Variants in RAD18 observed in about 807,000 individuals in gnomAD.
RAD18 encodes the protein RAD18 E3 ubiquitin protein ligase.
RAD18 carries 47 observed loss-of-function variants against 60.4 expected under a neutral mutation model. That is an observed-to-expected ratio of 0.78 (90% CI 0.62 to 0.99). The LOEUF (loss-of-function observed/expected upper bound fraction) is 0.99, where lower values mean the gene tolerates loss of function less well. RAD18 is among the 50% of genes least tolerant of loss of function. RAD18 has a pLI of 0.00. For missense variants in RAD18, 640 were observed against 593.3 expected (o/e 1.08, Z -0.82); for synonymous variants, 225 against 195.5 (o/e 1.15, Z -1.26).
intron 6 of RAD18, among the ~76,000 whole-genome samples, chr3:8,938,038 A>G (rs1940682997): frequency 6.6e-6 from 1 of 152,190 alleles, no homozygotes; most frequent in African/African-American, 2.4e-5. Flanking sequence ...TACTCTTCCA[A>G]AAGAATATAC....
At chr3:8,910,939 G>C (rs951902077) in intron 9 of RAD18, among the ~76,000 whole-genome samples, 10 of 152,220 alleles carry the variant, frequency 6.6e-5, no homozygotes, top group Non-Finnish European at 1.2e-4. Flanking sequence ...AATGGGAATA[G>C]AGGCAGGTTG....
intron 7 of RAD18, among the ~76,000 whole-genome samples, chr3:8,930,845 G>A (rs1940540664): frequency 6.6e-6 from 1 of 152,106 alleles, no homozygotes; most frequent in South Asian, 2.1e-4. Flanking sequence ...TCACTCAAAT[G>A]ATTTTTGAAG....
chr3:8,947,381 T>C (rs550353562), intron 3 of RAD18, 91 bp from the exon 4 acceptor site: 2 of 1,018,722 alleles, frequency 2.0e-6, no homozygotes, highest in South Asian at 1.4e-5. Context: ...CCCATCCTCC[T>C]GAGGTTCTCC....
intron 7 of RAD18, among the ~76,000 whole-genome samples, chr3:8,915,147 C>CAAAAAAA (rs373157801): frequency 2.9e-4 from 29 of 101,376 alleles, no homozygotes; most frequent in South Asian, 7.4e-4. Context: ...GACTCCGTCT[C>CAAAAAAA]AAAAAAAAAA....
chr3:8,887,491 A>C (rs915056450), intron 12 of RAD18, among the ~76,000 whole-genome samples: 2 of 152,226 alleles, frequency 1.3e-5, no homozygotes, highest in African/African-American at 4.8e-5. Context: ...ATGTGAAGTA[A>C]CACCAGGACC....
At chr3:8,956,331 CAG>C (rs770539566) in intron 2 of RAD18, among the ~76,000 whole-genome samples, 7 of 152,160 alleles carry the variant, frequency 4.6e-5, no homozygotes, top group Non-Finnish European at 1.0e-4. Context: ...CATGCTGCAA[CAG>C]TCAATCTGGT....
chr3:8,922,548 T>C (rs1940342955), intron 7 of RAD18, among the ~76,000 whole-genome samples: 1 of 152,238 alleles, frequency 6.6e-6, no homozygotes, highest in African/African-American at 2.4e-5. Context: ...TGTCCCTGTC[T>C]GACAGCTTGG....
rs563367816 is a variant in RAD18, at chr3:8,880,517, A to G, written c.*840T>C. ...AATCCATTTCAATGATTTCTAACCCATACTCAACTATCCAGAGGATACTGT... is the reference window on the plus strand; with the variant it reads ...AATCCATTTCAATGATTTCTAACCCGTACTCAACTATCCAGAGGATACTGT... On this transcript the variant is annotated 3_prime_UTR_variant, in exon 13 of 13. Coordinates refer to ENST00000264926, the MANE Select transcript of RAD18 (RefSeq NM_020165.4). 6 of 152,306 alleles carry G rather than the reference A, an allele frequency of 3.9e-5. No homozygotes were observed. Among genetic ancestry groups the G allele is most frequent in the Admixed American group, 2.6e-4 (4 of 15,296 alleles). 9.4% of individuals were successfully genotyped at this position (152,306 alleles called of 1,614,324 possible). A position where few individuals can be genotyped will look rare whatever the true frequency, so the allele number is the denominator to read the frequency against.
chr3:8,916,431 G>A (rs1940201027), intron 7 of RAD18, among the ~76,000 whole-genome samples: 1 of 152,158 alleles, frequency 6.6e-6, no homozygotes, highest in African/African-American at 2.4e-5. Context: ...CTGAGGCACA[G>A]GCTCATAGGG....
Position 8,879,624 on chromosome 3 carries a change from T to C in RAD18, c.*1733A>G, listed in dbSNP as rs1939422694. On this transcript the variant is annotated 3_prime_UTR_variant, in exon 13 of 13. Transcript: ENST00000264926. ...CCTGGCCTCCACCCATTGATACTGG[T>C]AGTACCCCTCACCACCCTCCACCTC... The C allele has an allele frequency of 1.3e-5, 2 of 152,262 alleles. No individual in the cohort carries two copies. Among genetic ancestry groups the C allele is most frequent in the African/African-American group, 4.8e-5 (2 of 41,418 alleles). The allele number at this position is 152,262 out of a possible 1,614,324, so 9.4% of individuals were successfully genotyped here.
At chr3:8,951,616 A>G (rs1574827263) in intron 2 of RAD18, among the ~76,000 whole-genome samples, 1 of 152,360 alleles carries the variant, frequency 6.6e-6, no homozygotes, top group East Asian at 1.9e-4. Flanking sequence ...TTAACAGATA[A>G]CACTTTGTAC....
At chr3:8,903,895 G>T (rs760267079) in intron 9 of RAD18, among the ~76,000 whole-genome samples, 1 of 152,174 alleles carries the variant, frequency 6.6e-6, no homozygotes, top group African/African-American at 2.4e-5. Flanking sequence ...CTAAGGCATA[G>T]GGAATTTACT....
intron 11 of RAD18, among the ~76,000 whole-genome samples, chr3:8,893,365 G>C (rs959698661): frequency 3.9e-5 from 6 of 152,172 alleles, no homozygotes; most frequent in African/African-American, 1.4e-4. Flanking sequence ...TTTGAACGTG[G>C]TTGAGTATAT....
At chr3:8,935,118 C>A (rs1017275396) in intron 7 of RAD18, among the ~76,000 whole-genome samples, 2 of 152,176 alleles carry the variant, frequency 1.3e-5, no homozygotes, top group Non-Finnish European at 2.9e-5. Flanking sequence ...TCAGTACTGG[C>A]TACAATGACA....
intron 9 of RAD18, among the ~76,000 whole-genome samples, chr3:8,908,450 G>A (rs1402171869): frequency 4.6e-5 from 7 of 152,010 alleles, no homozygotes; most frequent in Non-Finnish European, 7.4e-5. Context: ...GAGGGAAGAC[G>A]ATGTCAAGAG....
chr3:8,960,420 C>G (rs187634403), intron 1 of RAD18, among the ~76,000 whole-genome samples: 93 of 152,128 alleles, frequency 6.1e-4, no homozygotes, highest in African/African-American at 2.0e-3. Context: ...AAGAAGGAGA[C>G]TTTTACTTTT....
intron 7 of RAD18, among the ~76,000 whole-genome samples, chr3:8,916,952 TAAGA>T (rs1940211339): frequency 6.6e-6 from 1 of 152,016 alleles, no homozygotes; most frequent in Non-Finnish European, 1.5e-5. Context: ...TTGCCAAATA[TAAGA>T]AAGACACCAA....
intron 6 of RAD18, among the ~76,000 whole-genome samples, chr3:8,937,334 A>G (rs1259960010): frequency 6.6e-6 from 1 of 152,224 alleles, no homozygotes; most frequent in African/African-American, 2.4e-5. Context: ...CATTTACAAT[A>G]AAAAGCACCA....
At position 8,912,337 on chromosome 3, in the gene RAD18, T is replaced by C. The variant is rs2125054903; in HGVS notation, c.1002A>G (p.Glu334=). ...GATATTTACTGTGGATTTCATCTATTTCCTTTTCTGTTTGGTCCTTTGTAA... is the reference window on the plus strand; with the variant it reads ...GATATTTACTGTGGATTTCATCTATCTCCTTTTCTGTTTGGTCCTTTGTAA... ...MVFTKDQTEK[E]IDEIHSKYRK... Residue 334 remains glutamate (E), a synonymous_variant, in exon 9 of 13, where the codon GAA becomes GAG. Transcript: ENST00000264926. The C allele has an allele frequency of 6.4e-7, 1 of 1,567,904 alleles. No homozygotes were observed. The highest frequency in any genetic ancestry group is 2.3e-5 in the East Asian group (1 of 42,908).
Sources: allele counts gnomAD v4.1 joint callset (sites outside exome capture counted in the v4.1 genomes callset), GRCh38; gene constraint gnomAD v4.1.1; transcripts MANE v1.5; gene names NCBI Gene and HGNC (gene_info 2026-07-23, HGNC 2026-07-21).